Variants in AUH observed in about 807,000 individuals in gnomAD.
AUH encodes methylglutaconyl-CoA hydratase, mitochondrial.
AUH carries 29 observed loss-of-function variants against 42.3 expected under a neutral mutation model. That is an observed-to-expected ratio of 0.69 (90% CI 0.51 to 0.93). The LOEUF (loss-of-function observed/expected upper bound fraction) is 0.93, where lower values mean the gene tolerates loss of function less well. Among genes scored for constraint, AUH ranks in the 40% least tolerant of loss-of-function variants. AUH has a pLI of 0.00. For missense variants in AUH, 452 were observed against 438.1 expected (o/e 1.03, Z -0.28); for synonymous variants, 174 against 166.4 (o/e 1.05, Z -0.35).
At chr9:91,216,780 C>T (rs1334942690) in intron 8 of AUH, among the ~76,000 whole-genome samples, 2 of 152,328 alleles carry the variant, frequency 1.3e-5, no homozygotes, top group Non-Finnish European at 2.9e-5. Flanking sequence ...CTGGGGCCTT[C>T]ACTCTTTTGG....
At chr9:91,353,811 A>C (rs1832185703) in intron 3 of AUH, among the ~76,000 whole-genome samples, 1 of 114,404 alleles carries the variant, frequency 8.7e-6, no homozygotes, top group African/African-American at 3.7e-5. Flanking sequence ...ACAGAGCAAG[A>C]CTCCGTCTCA....
At chr9:91,336,506 T>G (rs543189135) in intron 3 of AUH, among the ~76,000 whole-genome samples, 1 of 152,100 alleles carries the variant, frequency 6.6e-6, no homozygotes, top group South Asian at 2.1e-4. Flanking sequence ...GGTGCACACC[T>G]GTAAACCTAG....
At chr9:91,341,877 G>C (rs1831131669) in intron 3 of AUH, among the ~76,000 whole-genome samples, 1 of 152,236 alleles carries the variant, frequency 6.6e-6, no homozygotes, top group African/African-American at 2.4e-5. Flanking sequence ...TTTAAGTGAT[G>C]AGGGAACAGC....
At chr9:91,352,740 G>A (rs1378497564) in intron 3 of AUH, among the ~76,000 whole-genome samples, 1 of 152,088 alleles carries the variant, frequency 6.6e-6, no homozygotes, top group Non-Finnish European at 1.5e-5. Context: ...CAGAGAAGCT[G>A]CTTATTATAT....
intron 5 of AUH, among the ~76,000 whole-genome samples, chr9:91,297,424 TCA>T (rs1265054146): frequency 2.0e-5 from 3 of 152,172 alleles, no homozygotes; most frequent in African/African-American, 4.8e-5. Flanking sequence ...TCAAGGAGAT[TCA>T]GTTATCATTA....
chr9:91,354,930 CAAAG>C (rs1832291803), intron 3 of AUH, among the ~76,000 whole-genome samples: 1 of 151,984 alleles, frequency 6.6e-6, no homozygotes, highest in Non-Finnish European at 1.5e-5. Context: ...TTTAAAAAAA[CAAAG>C]AACTCAAAAT....
chr9:91,217,376 T>C (rs571717648), intron 7 of AUH, 49 bp from the exon 8 acceptor site: 28 of 1,556,384 alleles, frequency 1.8e-5, no homozygotes, highest in Non-Finnish European at 2.4e-5. Flanking sequence ...TTATGCAAAT[T>C]ATGTCGTATA....
At chr9:91,324,613 A>C (rs1417020892) in intron 4 of AUH, among the ~76,000 whole-genome samples, 1 of 150,432 alleles carries the variant, frequency 6.6e-6, no homozygotes, top group East Asian at 1.9e-4. Context: ...ATTTGGGGCA[A>C]TACAAATTAA....
chr9:91,227,452 G>C (rs1245075977), intron 6 of AUH, among the ~76,000 whole-genome samples: 1 of 126,548 alleles, frequency 7.9e-6, no homozygotes, highest in African/African-American at 2.8e-5. Flanking sequence ...GAGATTTTGG[G>C]CTGAGACAAT....
intron 6 of AUH, among the ~76,000 whole-genome samples, chr9:91,243,313 C>T (rs535797338): frequency 3.9e-5 from 6 of 152,290 alleles, no homozygotes; most frequent in Admixed American, 2.0e-4. Flanking sequence ...AATAAGCATA[C>T]GAATATAACT....
At chr9:91,298,795 T>A (rs1055267082) in intron 4 of AUH, among the ~76,000 whole-genome samples, 2 of 152,258 alleles carry the variant, frequency 1.3e-5, no homozygotes, top group Non-Finnish European at 2.9e-5. Context: ...TTCATTTTCA[T>A]AACCAGTTCA....
chr9:91,234,905 G>A (rs1357516592), intron 6 of AUH, among the ~76,000 whole-genome samples: 2 of 149,872 alleles, frequency 1.3e-5, no homozygotes, highest in Non-Finnish European at 3.0e-5. Flanking sequence ...TAAAGGTGAG[G>A]CCAATGTCTG....
chr9:91,229,509 A>C (rs1827737088), intron 6 of AUH, among the ~76,000 whole-genome samples: 1 of 150,422 alleles, frequency 6.6e-6, no homozygotes, highest in Non-Finnish European at 1.5e-5. Flanking sequence ...TCTTTATCCA[A>C]TTTGCCAGTC....
chr9:91,290,753 G>A (rs1826802088), intron 6 of AUH, among the ~76,000 whole-genome samples: 1 of 152,056 alleles, frequency 6.6e-6, no homozygotes, highest in Non-Finnish European at 1.5e-5. Context: ...ACCAAACACT[G>A]CTCTCTATCT....
At chr9:91,241,799 T>G (rs985497429) in intron 6 of AUH, among the ~76,000 whole-genome samples, 17 of 152,124 alleles carry the variant, frequency 1.1e-4, no homozygotes, top group Non-Finnish European at 2.1e-4. Flanking sequence ...AAAATCAAAC[T>G]CTCTTAAATG....
intron 6 of AUH, among the ~76,000 whole-genome samples, chr9:91,285,373 T>C (rs1826319302): frequency 6.6e-6 from 1 of 151,910 alleles, no homozygotes; most frequent in African/African-American, 2.4e-5. Flanking sequence ...GACAAGTTAA[T>C]GGGTGCAGCA....
intron 4 of AUH, among the ~76,000 whole-genome samples, chr9:91,311,849 C>T (rs1363677295): frequency 6.6e-6 from 1 of 152,182 alleles, no homozygotes; most frequent in Non-Finnish European, 1.5e-5. Context: ...TGCTGTGTAG[C>T]CTTGCTGATG....
At chr9:91,288,838 G>GCT (rs1233063094) in intron 6 of AUH, among the ~76,000 whole-genome samples, 2 of 151,972 alleles carry the variant, frequency 1.3e-5, no homozygotes, top group East Asian at 3.9e-4. Flanking sequence ...AAAACTACAT[G>GCT]ATAGCAGTGG....
chr9:91,356,292 CTCT>C, intron 1 of AUH, 137 bp from the exon 2 acceptor site: 1 of 751,166 alleles, frequency 1.3e-6, no homozygotes, highest in East Asian at 2.7e-5. Context: ...TTCAATCGAT[CTCT>C]TCTTAAGCAC....
Sources: allele counts gnomAD v4.1 joint callset (sites outside exome capture counted in the v4.1 genomes callset), GRCh38; gene constraint gnomAD v4.1.1; transcripts MANE v1.5; gene names NCBI Gene and HGNC (gene_info 2026-07-23, HGNC 2026-07-21).